DRD3: variants seen among roughly 807,000 people sequenced by gnomAD.
The protein encoded by DRD3 is D(3) dopamine receptor.
A neutral mutation model predicts 36.3 loss-of-function variants in DRD3; 19 were observed. That is an observed-to-expected ratio of 0.52 (90% CI 0.36 to 0.77). The LOEUF (loss-of-function observed/expected upper bound fraction) is 0.77, where lower values mean the gene tolerates loss of function less well. DRD3 is among the 30% of genes least tolerant of loss of function. The pLI is 0.00. For synonymous variants in DRD3, 195 were observed against 203.7 expected (o/e 0.96, Z 0.36); for missense variants, 465 against 505.3 (o/e 0.92, Z 0.77).
chr3:114,195,376 C>G (rs1006146646), intron 1 of DRD3, among the ~76,000 whole-genome samples: 4 of 152,136 alleles, frequency 2.6e-5, no homozygotes, highest in African/African-American at 9.6e-5. Flanking sequence ...TGTACTGATT[C>G]ACTATGCATA....
chr3:114,152,914 C>T (rs994516640), intron 3 of DRD3, among the ~76,000 whole-genome samples: 1 of 152,272 alleles, frequency 6.6e-6, no homozygotes, highest in African/African-American at 2.4e-5. Context: ...GGCCGCTGCG[C>T]TCGCGGCGGT....
chr3:114,171,989 C>T lies in DRD3; in HGVS notation c.4G>A (p.Ala2Thr), dbSNP rs760223628. M[A>T]SLSQLSGHLN... ...TGGCCACTCAGCTGGCTCAGAGATG[C>T]CATAGCCCAGAGGGAGGTGCGTGAT... is the stretch of plus-strand genomic sequence containing the variant. The change falls in exon 2 of 7, where the codon GCA (alanine) becomes ACA (threonine). Residue 2 changes from alanine to threonine, a missense_variant. Physicochemically the swap from Ala to Thr is moderately conservative, Grantham distance 58. Coordinates refer to ENST00000383673, the MANE Select transcript of DRD3 (RefSeq NM_000796.6). 1.4e-5 allele frequency: 20 copies of T among 1,458,648 alleles called. No homozygotes were observed. Among genetic ancestry groups the T allele is most frequent in the Non-Finnish European group, 1.8e-5 (20 of 1,098,626 alleles). The allele number at this position is 1,458,648 out of a possible 1,614,324, so 90.4% of individuals were successfully genotyped here.
At chr3:114,147,706 T>G in intron 3 of DRD3, 149 bp from the exon 4 acceptor site, 1 of 923,246 alleles carries the variant, frequency 1.1e-6, no homozygotes, top group Non-Finnish European at 1.6e-6. Flanking sequence ...TTCACTGCAG[T>G]TCAACTCCTG....
chr3:114,177,471 C>T (rs1359427501), intron 1 of DRD3, among the ~76,000 whole-genome samples: 1 of 152,132 alleles, frequency 6.6e-6, no homozygotes, highest in African/African-American at 2.4e-5. Context: ...CCTCTAGAGA[C>T]TGAGCATCCT....
intron 4 of DRD3, among the ~76,000 whole-genome samples, chr3:114,143,663 CT>C (rs532456938): frequency 3.3e-4 from 50 of 152,170 alleles, no homozygotes; most frequent in Non-Finnish European, 6.5e-4. Context: ...ATTCTCTTAA[CT>C]TTTTGTGCAA....
intron 2 of DRD3, among the ~76,000 whole-genome samples, chr3:114,167,714 A>G (rs979390038): frequency 2.0e-5 from 3 of 152,216 alleles, no homozygotes; most frequent in Non-Finnish European, 4.4e-5. Flanking sequence ...TATCTTTTCA[A>G]TAAATAGTCC....
intron 4 of DRD3, among the ~76,000 whole-genome samples, chr3:114,142,506 T>C (rs1329472425): frequency 6.6e-6 from 1 of 152,206 alleles, no homozygotes; most frequent in Non-Finnish European, 1.5e-5. Flanking sequence ...ATGGTATGCT[T>C]CTATTTGTGT....
chr3:114,176,433 G>C (rs1393385202), intron 1 of DRD3, among the ~76,000 whole-genome samples: 1 of 151,942 alleles, frequency 6.6e-6, no homozygotes, highest in Non-Finnish European at 1.5e-5. Context: ...CTCCATCTTT[G>C]CAAAAATAAA....
At position 114,172,902 on chromosome 3, in the gene DRD3, A is replaced by T. The variant is rs187992813; in HGVS notation, c.-35-875T>A. Among the ~76,000 whole-genome samples, 241 of 150,452 alleles carry T rather than the reference A, an allele frequency of 1.6e-3. 1 individual carries two copies. Among genetic ancestry groups the T allele is most frequent in the African/African-American group, 5.5e-3 (226 of 40,864 alleles). ...TAACCCTGAAACCCAAGCAAAAGTG[A>T]CTCTTGCCCCAAGCTCTAGAGGAGG... is the stretch of plus-strand genomic sequence containing the variant. On this transcript the variant is annotated intron_variant, in intron 1 of 6. Transcript: ENST00000383673.
intron 1 of DRD3, among the ~76,000 whole-genome samples, chr3:114,186,011 T>C (rs1007895467): frequency 3.3e-5 from 5 of 152,218 alleles, no homozygotes; most frequent in African/African-American, 1.2e-4. Flanking sequence ...TTTTGTTTAC[T>C]ACTTTAAAAA....
chr3:114,165,815 C>T (rs962750473), intron 2 of DRD3, among the ~76,000 whole-genome samples: 5 of 152,006 alleles, frequency 3.3e-5, no homozygotes, highest in African/African-American at 1.2e-4. Context: ...TTCATTTCTC[C>T]ATCTATGAAA....
At chr3:114,165,043 G>A (rs750238549) in intron 2 of DRD3, among the ~76,000 whole-genome samples, 10 of 152,176 alleles carry the variant, frequency 6.6e-5, no homozygotes, top group Non-Finnish European at 1.5e-4. Context: ...GAGCCACTGC[G>A]CCTTGCCAGA....
rs556104997 is a variant in DRD3, at chr3:114,147,148, T to A, written c.526+267A>T. On this transcript the variant is annotated intron_variant, in intron 4 of 6. Transcript: ENST00000383673. ...GGTACATTTCTGCAAATGAATACAA[T>A]GACATTTCTTTCAAAATAAAGATGA... Among the ~76,000 whole-genome samples the A allele has an allele frequency of 9.2e-5, 14 of 152,244 alleles. No individual in the cohort carries two copies. In the East Asian group the frequency reaches 2.1e-3, roughly 23 times the overall value.
chr3:114,154,214 C>T (rs1434255625), intron 3 of DRD3, among the ~76,000 whole-genome samples: 2 of 152,126 alleles, frequency 1.3e-5, no homozygotes, highest in African/African-American at 4.8e-5. Context: ...GATGTTGCCC[C>T]TTCTGACTTC....
At chr3:114,185,299 C>T (rs1359628160) in intron 1 of DRD3, among the ~76,000 whole-genome samples, 1 of 152,106 alleles carries the variant, frequency 6.6e-6, no homozygotes, top group Non-Finnish European at 1.5e-5. Context: ...TTTCTTCAAT[C>T]GTTTTTCTTT....
chr3:114,168,820 A>G (rs554644411), intron 2 of DRD3, among the ~76,000 whole-genome samples: 1 of 152,260 alleles, frequency 6.6e-6, no homozygotes, highest in Non-Finnish European at 1.5e-5. Flanking sequence ...TCCAATATTT[A>G]CAGCCAAAAC....
chr3:114,131,938 G>A (rs537877246), intron 5 of DRD3, among the ~76,000 whole-genome samples: 1 of 152,128 alleles, frequency 6.6e-6, no homozygotes, highest in Non-Finnish European at 1.5e-5. Context: ...ATGAGAATAG[G>A]CACGCTTTTA....
rs35731414 is a variant in DRD3, at chr3:114,163,269, A to ATT, written c.271-3404_271-3403dup. The stretch of plus-strand genomic sequence containing the variant: ...CTCTAATTGGTGGGACTTGTAATGA[A>ATT]TTTTTTTTTTTCTATTGACATCCTC... On this transcript the variant is annotated intron_variant, in intron 2 of 6. Transcript: ENST00000383673. 5.1e-3 allele frequency among the ~76,000 whole-genome samples: 770 copies of ATT among 150,304 alleles called. 6 individuals carry two copies. The highest frequency in any genetic ancestry group is 0.016 in the African/African-American group (669 of 40,994).
chr3:114,194,967 G>A (rs2078029614), intron 1 of DRD3, among the ~76,000 whole-genome samples: 1 of 152,138 alleles, frequency 6.6e-6, no homozygotes, highest in Non-Finnish European at 1.5e-5. Context: ...CTTACGGGAA[G>A]CTTGTCTGCT....
Sources: allele counts gnomAD v4.1 joint callset (sites outside exome capture counted in the v4.1 genomes callset), GRCh38; gene constraint gnomAD v4.1.1; transcripts MANE v1.5; gene names NCBI Gene and HGNC (gene_info 2026-07-23, HGNC 2026-07-21).